RPAP2: variants seen among roughly 807,000 people sequenced by gnomAD.
RPAP2 encodes the protein RNA polymerase II associated protein 2.
A neutral mutation model predicts 73.1 loss-of-function variants in RPAP2; 52 were observed. The ratio of observed to expected loss-of-function variants is 0.71; its 90% CI spans 0.57 to 0.90. RPAP2 has a LOEUF of 0.90. RPAP2 is among the 40% of genes least tolerant of loss of function. RPAP2 has a pLI of 0.00. For missense variants in RPAP2, 598 were observed against 701.8 expected (o/e 0.85, Z 1.67); for synonymous variants, 225 against 242.1 (o/e 0.93, Z 0.65).
chr1:92,381,678 T>C (rs1244071825), intron 12 of RPAP2, among the ~76,000 whole-genome samples: 1 of 150,882 alleles, frequency 6.6e-6, no homozygotes, highest in African/African-American at 2.4e-5. Flanking sequence ...TGCATAAATA[T>C]AAAAGGAAAA....
In RPAP2 at chr1:92,398,256, A is replaced by G. The variant is rs1656234045; in HGVS notation, c.*11245A>G. The G allele has an allele frequency of 6.6e-6, 1 of 152,340 alleles. No individual in the cohort carries two copies. Among genetic ancestry groups the G allele is most frequent in the Admixed American group, 6.5e-5 (1 of 15,296 alleles). 9.4% of individuals were successfully genotyped at this position (152,340 alleles called of 1,614,324 possible). A position where few individuals can be genotyped will look rare whatever the true frequency, so the allele number is the denominator to read the frequency against. ...CTATTTATCCTGATGTGATTATTAC[A>G]CATTGCATGCCTGTACCAAAATATT... On this transcript the variant is annotated 3_prime_UTR_variant, in exon 13 of 13. Coordinates refer to ENST00000610020, the MANE Select transcript of RPAP2 (RefSeq NM_024813.3).
At position 92,299,112 on chromosome 1, in the gene RPAP2, G is replaced by A. The variant is rs1352512518; in HGVS notation, c.39G>A (p.Lys13=). 3.3e-6 allele frequency: 5 copies of A among 1,522,740 alleles called. No individual in the cohort carries two copies. The highest frequency in any genetic ancestry group is 4.4e-6 in the Non-Finnish European group (5 of 1,132,286). The allele number at this position is 1,522,740 out of a possible 1,614,324, so 94.3% of individuals were successfully genotyped here. Residue 13 remains lysine (K), a synonymous_variant, in exon 1 of 13, where the codon AAG becomes AAA. Coordinates refer to ENST00000610020, the MANE Select transcript of RPAP2 (RefSeq NM_024813.3). The part of the protein sequence containing the change: ...DFAGPSSAGR[K]AGAPRCSRKA... ...CTGGGCCGTCTTCTGCCGGCCGCAA[G>A]GCCGGGGCTCCCCGCTGCTCTCGAA... is the stretch of plus-strand genomic sequence containing the variant.
intron 9 of RPAP2, among the ~76,000 whole-genome samples, chr1:92,334,848 C>T (rs567967070): frequency 1.3e-5 from 2 of 151,994 alleles, no homozygotes; most frequent in East Asian, 1.9e-4. Flanking sequence ...ATTAGCCGGG[C>T]GTGGTGGCGG....
chr1:92,378,271 C>G (rs529867793), intron 11 of RPAP2, among the ~76,000 whole-genome samples: 202 of 152,250 alleles, frequency 1.3e-3, no homozygotes, highest in Non-Finnish European at 2.3e-3. Flanking sequence ...GCGGTGTGAT[C>G]TCTGCTCACT....
chr1:92,341,083 A>G (rs1653565760), intron 10 of RPAP2, among the ~76,000 whole-genome samples: 1 of 152,054 alleles, frequency 6.6e-6, no homozygotes, highest in Non-Finnish European at 1.5e-5. Flanking sequence ...ATCTCAACTC[A>G]CTGCAACCTC....
intron 6 of RPAP2, among the ~76,000 whole-genome samples, chr1:92,311,830 A>T (rs1439491031): frequency 6.6e-6 from 1 of 152,230 alleles, no homozygotes; most frequent in Non-Finnish European, 1.5e-5. Flanking sequence ...TCTTTAAAAA[A>T]TAATGTACAT....
chr1:92,354,830 C>T (rs536837390), intron 11 of RPAP2, among the ~76,000 whole-genome samples: 1 of 151,320 alleles, frequency 6.6e-6, no homozygotes, highest in South Asian at 2.1e-4. Context: ...CTTGGTTTTT[C>T]AAATTTGGGG....
At chr1:92,377,387 C>T (rs1407930329) in intron 11 of RPAP2, among the ~76,000 whole-genome samples, 2 of 152,018 alleles carry the variant, frequency 1.3e-5, no homozygotes, top group African/African-American at 2.4e-5. Flanking sequence ...GGCGTGGTGG[C>T]ACACGCCTGT....
intron 5 of RPAP2, among the ~76,000 whole-genome samples, chr1:92,306,687 A>G (rs1413230191): frequency 6.6e-6 from 1 of 152,164 alleles, no homozygotes; most frequent in East Asian, 1.9e-4. Flanking sequence ...CTACAAAAAA[A>G]TAAAATAGCC....
intron 8 of RPAP2, among the ~76,000 whole-genome samples, chr1:92,329,976 A>T (rs181573617): frequency 6.8e-4 from 104 of 152,328 alleles, no homozygotes; most frequent in East Asian, 5.6e-3. Context: ...AAGGAATGAT[A>T]CACTAATCAT....
At chr1:92,345,393 AAAAAAAAAGAG>A (rs1336105217) in intron 10 of RPAP2, among the ~76,000 whole-genome samples, 5 of 148,814 alleles carry the variant, frequency 3.4e-5, no homozygotes, top group Non-Finnish European at 7.5e-5. Flanking sequence ...AAAAAAAAAA[AAAAAAAAAGAG>A]AGAGAGAGAA....
Position 92,326,216 on chromosome 1 carries a change from T to C in RPAP2, c.1455+1841T>C, listed in dbSNP as rs558640260. Among the ~76,000 whole-genome samples, 25 of 152,304 alleles carry C rather than the reference T, an allele frequency of 1.6e-4. No individual in the cohort carries two copies. In the South Asian group the frequency reaches 5.0e-3, roughly 30 times the overall value. On this transcript the variant is annotated intron_variant, in intron 8 of 12. Transcript: ENST00000610020. ...ATATAGTTAGTTTTAGCCATTCTGG[T>C]AGTATTGGTTTATGATTATAATACA...
intron 5 of RPAP2, 28 bp downstream of exon 5, chr1:92,304,377 A>C (rs772145760): frequency 1.5e-6 from 2 of 1,373,440 alleles, no homozygotes; most frequent in Admixed American, 2.4e-5. Flanking sequence ...CATTGTGGCA[A>C]TTAATTTTTT....
chr1:92,361,457 T>C (rs1438587354), intron 11 of RPAP2, among the ~76,000 whole-genome samples: 1 of 152,170 alleles, frequency 6.6e-6, no homozygotes, highest in African/African-American at 2.4e-5. Flanking sequence ...TATGGACTTA[T>C]GGCATAGATT....
In RPAP2 at chr1:92,323,231, C is replaced by A. The variant is rs540273533; in HGVS notation, c.525-214C>A. 7.9e-5 allele frequency among the ~76,000 whole-genome samples: 12 copies of A among 151,334 alleles called. No homozygotes were observed. The East Asian group carries it at 2.3e-3, about 29-fold the overall frequency. Reference sequence around the variant, plus strand: ...GAAGAATACAGAAGGAGAACTATATCAAAAAATATATTATTAACAGATGTA... The same window carrying A: ...GAAGAATACAGAAGGAGAACTATATAAAAAAATATATTATTAACAGATGTA... On this transcript the variant is annotated intron_variant, in intron 7 of 12. Coordinates refer to ENST00000610020, the MANE Select transcript of RPAP2 (RefSeq NM_024813.3).
chr1:92,335,235 T>G (rs1247308869), intron 9 of RPAP2, among the ~76,000 whole-genome samples: 12 of 152,126 alleles, frequency 7.9e-5, no homozygotes, highest in Admixed American at 7.9e-4. Flanking sequence ...GCCACTGCAC[T>G]CCAGCCTGGG....
intron 11 of RPAP2, among the ~76,000 whole-genome samples, chr1:92,371,843 G>C (rs1294199161): frequency 7.4e-6 from 1 of 134,934 alleles, no homozygotes; most frequent in African/African-American, 2.8e-5. Flanking sequence ...AGTGAGCTCC[G>C]ATTGCACCAC....
intron 7 of RPAP2, among the ~76,000 whole-genome samples, chr1:92,322,737 C>A (rs181832951): frequency 1.3e-5 from 2 of 151,150 alleles, no homozygotes; most frequent in African/African-American, 4.9e-5. Context: ...ATTAGCCAGG[C>A]GTGGTGGTGC....
intron 11 of RPAP2, among the ~76,000 whole-genome samples, chr1:92,371,914 AAAAGC>A (rs931277453): frequency 2.6e-5 from 4 of 151,422 alleles, no homozygotes; most frequent in Non-Finnish European, 5.9e-5. Flanking sequence ...AAAAACCAGA[AAAAGC>A]AAAACAAAAA....
Sources: allele counts gnomAD v4.1 joint callset (sites outside exome capture counted in the v4.1 genomes callset), GRCh38; gene constraint gnomAD v4.1.1; transcripts MANE v1.5; gene names NCBI Gene and HGNC (gene_info 2026-07-23, HGNC 2026-07-21).